Variants in ME3 observed in about 807,000 individuals in gnomAD.
ME3 encodes malic enzyme 3, also known as NADP-dependent malic enzyme, mitochondrial.
ME3 carries 48 observed loss-of-function variants against 68.9 expected under a neutral mutation model. That is an observed-to-expected ratio of 0.70 (90% CI 0.55 to 0.89). The LOEUF (loss-of-function observed/expected upper bound fraction) is 0.89. Among genes scored for constraint, ME3 ranks in the 40% least tolerant of loss-of-function variants. The pLI is 0.00. For missense variants in ME3, 675 were observed against 797.4 expected, an observed-to-expected ratio of 0.85 and a Z score of 1.85; for synonymous variants, 320 against 318.8, an observed-to-expected ratio of 1.00 and a Z score of -0.04.
At chr11:86,668,075 G>A (rs1946690164) in intron 2 of ME3, 1 of 152,072 alleles carries the variant, frequency 6.6e-6, no homozygotes, top group South Asian at 2.1e-4. Flanking sequence ...GAATCATCTA[G>A]TATCAATTCT....
intron 4 of ME3, among the ~76,000 whole-genome samples, chr11:86,536,481 G>C (rs1375335165): frequency 6.4e-5 from 8 of 124,798 alleles, no homozygotes; most frequent in African/African-American, 2.2e-4. Flanking sequence ...CGAAGGACAT[G>C]AACAGACACT....
At chr11:86,478,734 A>G (rs1472467761) in intron 7 of ME3, among the ~76,000 whole-genome samples, 1 of 152,266 alleles carries the variant, frequency 6.6e-6, no homozygotes, top group African/African-American at 2.4e-5. Context: ...ATGAAAAACA[A>G]TAAAGTGTTT....
At chr11:86,463,655 A>G (rs1025890826) in intron 8 of ME3, among the ~76,000 whole-genome samples, 1 of 152,206 alleles carries the variant, frequency 6.6e-6, no homozygotes, top group African/African-American at 2.4e-5. Context: ...CTGAAGTCAT[A>G]TATTTTAAAC....
chr11:86,571,593 A>G (rs1957796759), intron 2 of ME3, among the ~76,000 whole-genome samples: 1 of 152,268 alleles, frequency 6.6e-6, no homozygotes, highest in East Asian at 1.9e-4. Context: ...TAATTTAAAT[A>G]TAAAGAGTCA....
At chr11:86,665,171 AACAG>A (rs1403355007) in intron 2 of ME3, among the ~76,000 whole-genome samples, 4 of 152,238 alleles carry the variant, frequency 2.6e-5, no homozygotes, top group African/African-American at 9.6e-5. Flanking sequence ...TCAATGAACA[AACAG>A]ACAAAGTCCC....
chr11:86,511,731 C>A (rs988453780), intron 4 of ME3, among the ~76,000 whole-genome samples: 5 of 152,136 alleles, frequency 3.3e-5, no homozygotes, highest in African/African-American at 1.2e-4. Flanking sequence ...TCTATAATCC[C>A]TTACTGCTCA....
At position 86,543,932 on chromosome 11, in the gene ME3, G is replaced by T. The variant is rs1956209304; in HGVS notation, c.467+12621C>A. ...AAAACACTCCTCAGCAAATGCAAAA[G>T]AATGGAAATCATAACAAACAGTCTC... On this transcript the variant is annotated intron_variant, in intron 4 of 14. Coordinates refer to ENST00000543262, the Ensembl canonical transcript of ME3. 1.0e-4 allele frequency among the ~76,000 whole-genome samples: 15 copies of T among 149,386 alleles called. 1 individual carries two copies. In the South Asian group the frequency reaches 3.2e-3, roughly 32 times the overall value.
chr11:86,664,687 A>T (rs974465256), intron 2 of ME3, among the ~76,000 whole-genome samples: 1 of 152,158 alleles, frequency 6.6e-6, no homozygotes, highest in Non-Finnish European at 1.5e-5. Context: ...CTCAGAGTGG[A>T]GGGTGGGAGT....
chr11:86,671,669 C>A, intron 2 of ME3, 93 bp downstream of exon 2: 2 of 1,498,256 alleles, frequency 1.3e-6, no homozygotes, highest in African/African-American at 1.5e-5. Context: ...GAAGGGCGCC[C>A]GGGAGGATCC....
At chr11:86,584,984 T>C (rs1196694385) in intron 2 of ME3, among the ~76,000 whole-genome samples, 2 of 152,196 alleles carry the variant, frequency 1.3e-5, no homozygotes, top group African/African-American at 4.8e-5. Context: ...TAAAGACTAA[T>C]AATACATCTT....
intron 2 of ME3, among the ~76,000 whole-genome samples, chr11:86,637,520 G>A (rs529691902): frequency 6.6e-6 from 1 of 152,178 alleles, no homozygotes; most frequent in Non-Finnish European, 1.5e-5. Context: ...AAGGGAGTAG[G>A]CAGCACAAAG....
chr11:86,552,335 C>A (rs917648503), intron 4 of ME3, among the ~76,000 whole-genome samples: 12 of 152,330 alleles, frequency 7.9e-5, no homozygotes, highest in Admixed American at 3.3e-4. Context: ...CTGACAAAGA[C>A]GCTCCTTTGA....
At chr11:86,485,272 C>G (rs753968604) in intron 7 of ME3, among the ~76,000 whole-genome samples, 2 of 152,228 alleles carry the variant, frequency 1.3e-5, no homozygotes. Flanking sequence ...TGAGTCTTCT[C>G]TCTACCAGGC....
chr11:86,550,140 C>T (rs779369090), intron 4 of ME3, among the ~76,000 whole-genome samples: 5 of 152,130 alleles, frequency 3.3e-5, no homozygotes, highest in African/African-American at 4.8e-5. Flanking sequence ...TCTCCAGACA[C>T]GTTTAGTGCA....
intron 4 of ME3, among the ~76,000 whole-genome samples, chr11:86,543,226 C>T (rs1956154503): frequency 6.6e-6 from 1 of 152,188 alleles, no homozygotes; most frequent in South Asian, 2.1e-4. Context: ...ACCATTGACA[C>T]TATGAACAAA....
intron 2 of ME3, among the ~76,000 whole-genome samples, chr11:86,578,079 T>C (rs1353053468): frequency 6.6e-6 from 1 of 152,208 alleles, no homozygotes; most frequent in African/African-American, 2.4e-5. Flanking sequence ...CTTTAGGATT[T>C]TGTCCATCCC....
intron 6 of ME3, among the ~76,000 whole-genome samples, chr11:86,493,729 C>G (rs1565856724): frequency 6.6e-6 from 1 of 152,208 alleles, no homozygotes; most frequent in Non-Finnish European, 1.5e-5. Context: ...TCCAAATCTC[C>G]TTGGTATTGG....
At chr11:86,633,859 G>C (rs1052731135) in intron 2 of ME3, among the ~76,000 whole-genome samples, 1 of 152,132 alleles carries the variant, frequency 6.6e-6, no homozygotes, top group Non-Finnish European at 1.5e-5. Flanking sequence ...TGGGCTCAAC[G>C]CAGTTAAATG....
chr11:86,627,634 G>C lies in ME3; in HGVS notation c.183+44128C>G, dbSNP rs569010483. Among the ~76,000 whole-genome samples, 3 of 152,312 alleles carry C rather than the reference G, an allele frequency of 2.0e-5. No individual in the cohort carries two copies. The South Asian group carries it at 6.2e-4, about 32-fold the overall frequency. ...GCACAGTCTTGGCAGCTTTTCTGCT[G>C]ATTTGTGAAGTCTGCCCACTCTCCT... On this transcript the variant is annotated intron_variant, in intron 2 of 14. Transcript: ENST00000543262.
Sources: allele counts gnomAD v4.1 joint callset (sites outside exome capture counted in the v4.1 genomes callset), GRCh38; gene constraint gnomAD v4.1.1; transcripts MANE v1.5; gene names NCBI Gene and HGNC (gene_info 2026-07-23, HGNC 2026-07-21).